The following DNA2 variants were observed in gnomAD, a reference collection of about 807,000 sequenced individuals.
The protein encoded by DNA2 is DNA replication helicase/nuclease 2.
A neutral mutation model predicts 119.1 loss-of-function variants in DNA2; 101 were observed. That is an observed-to-expected ratio of 0.85 (90% CI 0.72 to 1.00). The LOEUF is 1.00. DNA2 is among the 50% of genes least tolerant of loss of function. The pLI is 0.00. For synonymous variants in DNA2, 366 were observed against 424.4 expected (o/e 0.86, Z 1.69); for missense variants, 1,121 against 1,255.5 (o/e 0.89, Z 1.62).
At chr10:68,443,982 T>C (rs1339377593) in intron 8 of DNA2, among the ~76,000 whole-genome samples, 1 of 151,686 alleles carries the variant, frequency 6.6e-6, no homozygotes, top group Non-Finnish European at 1.5e-5. Context: ...TTCGGCATAG[T>C]GCAGTGGCTC....
chr10:68,470,571 G>A (rs2052372571), intron 1 of DNA2: 1 of 451,752 alleles, frequency 2.2e-6, no homozygotes, highest in Non-Finnish European at 4.4e-6. Flanking sequence ...ATACGATCAT[G>A]CTACTGCACC....
upstream of DNA2, chr10:68,472,010 G>A (rs1349541327): frequency 3.1e-6 from 5 of 1,609,942 alleles, no homozygotes; most frequent in Non-Finnish European, 4.2e-6. Flanking sequence ...ACCTGCGCCA[G>A]GCCGCCCCTC....
chr10:68,419,857 C>T lies in DNA2; in HGVS notation c.2733G>A (p.Val911=). The T allele has an allele frequency of 6.2e-7, 1 of 1,613,874 alleles. No homozygotes were observed. The highest frequency in any genetic ancestry group is 8.5e-7 in the Non-Finnish European group (1 of 1,179,844). ...TGAGTTTGGCTTCTGTTACATTGCT[C>T]ACACCACCTTTTTCAACTTGTTCTG... ...PAPEQVEKGG[V]SNVTEAKLIV... is the part of the protein sequence containing the mutation. The change falls in exon 18 of 21, where the codon GTG becomes GTA. Residue 911 remains valine, a synonymous_variant. Transcript: ENST00000358410.
In DNA2 at chr10:68,429,544, CA is replaced by C. The variant is rs533902480; in HGVS notation, c.2208+891del. ...GGGCAACAAGAATAAAACTCCGTCT[CA>C]AAAAAAAAAAAAAAAAATTAGTCAG... On this transcript the variant is annotated intron_variant, in intron 14 of 20. Transcript: ENST00000358410. Among the ~76,000 whole-genome samples, 502 of 102,368 alleles carry C rather than the reference CA, an allele frequency of 4.9e-3. 6 individuals are homozygous for C. Among genetic ancestry groups the C allele is most frequent in the African/African-American group, 0.015 (392 of 25,368 alleles). The allele number at this position is 102,368 out of a possible 152,430, so 67.2% of individuals were successfully genotyped here. A position where few individuals can be genotyped will look rare whatever the true frequency, so the allele number is the denominator to read the frequency against.
Position 68,445,068 on chromosome 10 carries a change from CTTAGCTTTAATAA to C in DNA2, c.1060_1072del (p.Leu354GlufsTer29). 1 of 1,599,814 alleles carries C rather than the reference CTTAGCTTTAATAA, an allele frequency of 6.3e-7. No individual in the cohort carries two copies. The highest frequency in any genetic ancestry group is 8.5e-7 in the Non-Finnish European group (1 of 1,172,892). On this transcript the variant is annotated frameshift_variant and splice_region_variant, in exon 8 of 21. Coordinates refer to ENST00000358410, the MANE Select transcript of DNA2 (RefSeq NM_001080449.3). LOFTEE classifies it high-confidence loss of function. ...AAACAATGAGAATGCCATCTGGTTT[CTTAGCTTTAATAA>C]TTCTATGAAAAAAAAGGTGAATGTC... is the stretch of plus-strand genomic sequence containing the variant.
Position 68,443,671 on chromosome 10 carries a change from G to A in DNA2, c.1221-560C>T, listed in dbSNP as rs192723094. 1.3e-3 allele frequency among the ~76,000 whole-genome samples: 193 copies of A among 152,266 alleles called. 1 individual carries two copies. Among genetic ancestry groups the A allele is most frequent in the African/African-American group, 4.4e-3 (181 of 41,562 alleles). On this transcript the variant is annotated intron_variant, in intron 8 of 20. Coordinates refer to ENST00000358410, the MANE Select transcript of DNA2 (RefSeq NM_001080449.3). ...CCTTAAAAAGTATTTATATGAGGCC[G>A]AGTGCAGAGGCTCATGCCTATAATT...
intron 17 of DNA2, among the ~76,000 whole-genome samples, chr10:68,421,957 G>A (rs1207061672): frequency 6.6e-6 from 1 of 151,528 alleles, no homozygotes; most frequent in Non-Finnish European, 1.5e-5. Context: ...TGGGATTACA[G>A]GCACCCACCA....
rs1327888221 is a variant in DNA2 at position 68,458,377 on chromosome 10, C to T, written c.719+727G>A. ...CAAAACCCTGTCTCTACTAAAAATA[C>T]AAAAAATTAGCCGGGTATGGTGGTG... On this transcript the variant is annotated intron_variant, in intron 5 of 20. Transcript: ENST00000358410. Among the ~76,000 whole-genome samples, 4 of 151,630 alleles carry T rather than the reference C, an allele frequency of 2.6e-5. No individual in the cohort carries two copies. In the South Asian group the frequency reaches 6.2e-4, roughly 24 times the overall value.
At chr10:68,472,140 C>G, upstream of DNA2, 1 of 1,402,728 alleles carries the variant, frequency 7.1e-7, no homozygotes, top group Non-Finnish European at 9.4e-7. Flanking sequence ...GCAGACTAAA[C>G]GCTCCTGCCT....
intron 4 of DNA2, among the ~76,000 whole-genome samples, chr10:68,459,491 C>T (rs1178617889): frequency 6.6e-6 from 1 of 152,132 alleles, no homozygotes; most frequent in Non-Finnish European, 1.5e-5. Context: ...GGACATTACG[C>T]TAAGTGAAAT....
chr10:68,425,809 C>CAAAA (rs59128210), intron 14 of DNA2, among the ~76,000 whole-genome samples: 4 of 144,502 alleles, frequency 2.8e-5, no homozygotes, highest in African/African-American at 1.0e-4. Context: ...TTTCATAATT[C>CAAAA]AAAAAAAAAA....
chr10:68,472,009 A>C, upstream of DNA2: 2 of 1,609,698 alleles, frequency 1.2e-6, no homozygotes, highest in Non-Finnish European at 1.7e-6. Flanking sequence ...GACCTGCGCC[A>C]GGCCGCCCCT....
chr10:68,461,828 CAAAAAAAA>C (rs554059657), intron 4 of DNA2, among the ~76,000 whole-genome samples: 17 of 70,284 alleles, frequency 2.4e-4, no homozygotes, highest in East Asian at 3.5e-4. Flanking sequence ...AACTCCGTCT[CAAAAAAAA>C]AAAAAAAAAA....
At chr10:68,420,590 T>A (rs2051651769) in intron 17 of DNA2, among the ~76,000 whole-genome samples, 1 of 152,092 alleles carries the variant, frequency 6.6e-6, no homozygotes, top group Non-Finnish European at 1.5e-5. Context: ...TCTTTCCATT[T>A]TCTTGTCCCC....
chr10:68,467,357 C>T (rs1423743889), intron 3 of DNA2, among the ~76,000 whole-genome samples: 2 of 152,118 alleles, frequency 1.3e-5, no homozygotes, highest in Non-Finnish European at 2.9e-5. Context: ...GAACTGCTCA[C>T]CTCGGCCTCT....
At chr10:68,442,460 G>A (rs146700849) in intron 9 of DNA2, among the ~76,000 whole-genome samples, 6,617 of 150,466 alleles carry the variant, frequency 0.044, 437 homozygotes, top group African/African-American at 0.15. Flanking sequence ...GATCTTGGTT[G>A]ACTGCAGCCT....
At chr10:68,461,347 A>G (rs557280629) in intron 4 of DNA2, 3 of 152,336 alleles carry the variant, frequency 2.0e-5, no homozygotes, top group Admixed American at 2.0e-4. Context: ...AAGCAGATAC[A>G]AGAATCCACG....
chr10:68,461,285 T>C (rs975482379), intron 4 of DNA2: 3 of 152,198 alleles, frequency 2.0e-5, no homozygotes, highest in South Asian at 2.1e-4. Context: ...AAGAGTACAG[T>C]TGAATTTTCT....
chr10:68,456,986 T>C (rs540086643), intron 5 of DNA2, among the ~76,000 whole-genome samples: 17 of 151,630 alleles, frequency 1.1e-4, no homozygotes, highest in Non-Finnish European at 1.9e-4. Flanking sequence ...TACAAAAAAT[T>C]AGCCAGGCAT....
Sources: gnomAD v4.1 joint callset for allele counts (sites outside exome capture counted in the v4.1 genomes callset) on GRCh38, gnomAD v4.1.1 for gene constraint, MANE v1.5 for transcripts, NCBI Gene and HGNC (gene_info 2026-07-23, HGNC 2026-07-21) for gene names.